Variants in ZNF831 observed in about 807,000 individuals in gnomAD.
ZNF831 encodes chromosome 20 open reading frame 174.
In ZNF831, 59 loss-of-function variants were observed where a neutral mutation model predicts 95.8. The observed-to-expected ratio is 0.62, with a 90% CI of 0.50 to 0.77. The LOEUF is 0.77. Among genes scored for constraint, ZNF831 ranks in the 30% least tolerant of loss-of-function variants. The pLI is 0.00. For missense variants in ZNF831, 2,205 were observed against 2,164.0 expected (o/e 1.02, Z -0.38); for synonymous variants, 961 against 925.5 (o/e 1.04, Z -0.70).
chr20:59,234,887 C>A (rs1986915414), intron 4 of ZNF831, among the ~76,000 whole-genome samples: 1 of 152,168 alleles, frequency 6.6e-6, no homozygotes, highest in Non-Finnish European at 1.5e-5. Context: ...ATTCGTATGG[C>A]ACATTTTTTA....
chr20:59,159,257 G>C (rs931643941), upstream of ZNF831, among the ~76,000 whole-genome samples: 15 of 152,080 alleles, frequency 9.9e-5, no homozygotes, highest in South Asian at 4.2e-4. Context: ...GCTGAGATAA[G>C]GACTAGCAAC....
intron 1 of ZNF831, among the ~76,000 whole-genome samples, chr20:59,134,429 A>C (rs982990430): frequency 2.6e-5 from 4 of 152,230 alleles, no homozygotes; most frequent in Non-Finnish European, 4.4e-5. Context: ...AATGAGGAAC[A>C]AGGAGACTGA....
chr20:59,233,956 C>T (rs550320214), intron 4 of ZNF831, among the ~76,000 whole-genome samples: 1 of 152,214 alleles, frequency 6.6e-6, no homozygotes, highest in Admixed American at 6.5e-5. Flanking sequence ...GAGAAAACAA[C>T]CCCGATGGGC....
At chr20:59,211,741 G>A (rs1985344962) in intron 4 of ZNF831, among the ~76,000 whole-genome samples, 1 of 152,010 alleles carries the variant, frequency 6.6e-6, no homozygotes, top group African/African-American at 2.4e-5. Context: ...GTCCTGGATG[G>A]AGAGATCAGA....
chr20:59,164,853 T>TC (rs1981128272), intron 1 of ZNF831, among the ~76,000 whole-genome samples: 1 of 152,188 alleles, frequency 6.6e-6, no homozygotes. Flanking sequence ...GTTTCTCCTT[T>TC]CCCGTAGCAA....
At chr20:59,153,986 G>T (rs1980392608) in intron 2 of ZNF831, among the ~76,000 whole-genome samples, 1 of 152,184 alleles carries the variant, frequency 6.6e-6, no homozygotes, top group Admixed American at 6.5e-5. Flanking sequence ...CCCTAGAGGT[G>T]GTGGAGACTC....
intron 4 of ZNF831, among the ~76,000 whole-genome samples, chr20:59,210,894 G>A (rs192014214): frequency 0.029 from 2,339 of 80,506 alleles, 511 homozygotes; most frequent in African/African-American, 0.091. Flanking sequence ...TTAGCCGGGC[G>A]CGGTGGCGGG....
At chr20:59,219,139 T>C (rs1022926367) in intron 4 of ZNF831, among the ~76,000 whole-genome samples, 1 of 152,210 alleles carries the variant, frequency 6.6e-6, no homozygotes, top group African/African-American at 2.4e-5. Context: ...ACCATCTTAC[T>C]CATGGCTTAA....
chr20:59,225,134 A>T lies in ZNF831; in HGVS notation c.4027+18078A>T, dbSNP rs142565775. Among the ~76,000 whole-genome samples, 141 of 151,888 alleles carry T rather than the reference A, an allele frequency of 9.3e-4. 1 individual carries two copies. The highest frequency in any genetic ancestry group is 2.8e-3 in the African/African-American group (117 of 41,468). On this transcript the variant is annotated intron_variant, in intron 4 of 5. Coordinates refer to ENST00000371030, the MANE Select transcript of ZNF831 (RefSeq NM_178457.3). The stretch of plus-strand genomic sequence containing the variant: ...TCCATTATAGGTTCAATGCATGTAT[A>T]TTTTTTTTAACTTAAGAAATGGGGA...
At chr20:59,149,271 T>C (rs999158721) in intron 2 of ZNF831, among the ~76,000 whole-genome samples, 16 of 152,184 alleles carry the variant, frequency 1.1e-4, no homozygotes, top group Admixed American at 1.0e-3. Flanking sequence ...GGAGGTCTGA[T>C]AAGCCAGACG....
chr20:59,248,626 A>T (rs1234816924), intron 4 of ZNF831, among the ~76,000 whole-genome samples: 1 of 152,132 alleles, frequency 6.6e-6, no homozygotes, highest in African/African-American at 2.4e-5. Flanking sequence ...TTTTCTCTAC[A>T]CTAATTGGTT....
chr20:59,134,323 T>C (rs1297450251), intron 1 of ZNF831, among the ~76,000 whole-genome samples: 4 of 152,204 alleles, frequency 2.6e-5, no homozygotes, highest in Admixed American at 2.6e-4. Flanking sequence ...GTCTCTTGTC[T>C]GTATTTCCTT....
At position 59,255,899 on chromosome 20, in the gene ZNF831, A is replaced by T. The variant is rs1041434568; in HGVS notation, c.*1156A>T. On this transcript the variant is annotated 3_prime_UTR_variant, in exon 6 of 6. Transcript: ENST00000371030. ...CCGGTGCGCCCCTGTGCAGAAGAAA[A>T]CAGATCTACGTCAGCCAGCCCGGGG... The T allele has an allele frequency of 6.6e-6, 1 of 152,222 alleles. No homozygotes were observed. The highest frequency in any genetic ancestry group is 2.4e-5 in the African/African-American group (1 of 41,464). The allele number at this position is 152,222 out of a possible 1,614,324, so 9.4% of individuals were successfully genotyped here. A position where few individuals can be genotyped will look rare whatever the true frequency, so the allele number is the denominator to read the frequency against.
intron 5 of ZNF831, 25 bp from the exon 6 acceptor site, chr20:59,253,873 T>TTTTTC: frequency 1.3e-6 from 1 of 760,148 alleles, no homozygotes; most frequent in Middle Eastern, 5.1e-4. Flanking sequence ...CCCCCACTTT[T>TTTTTC]TTTTTCCTTT....
At chr20:59,125,214 G>T (rs886399290) in intron 1 of ZNF831, among the ~76,000 whole-genome samples, 1 of 152,224 alleles carries the variant, frequency 6.6e-6, no homozygotes, top group African/African-American at 2.4e-5. Context: ...TAGAAAGGAC[G>T]TGGGTCACTG....
Position 59,255,650 on chromosome 20 carries a change from T to G in ZNF831, c.*907T>G, listed in dbSNP as rs1490144002. The G allele has an allele frequency of 6.6e-6, 1 of 152,236 alleles. No homozygotes were observed. Among genetic ancestry groups the G allele is most frequent in the Non-Finnish European group, 1.5e-5 (1 of 68,042 alleles). The allele number at this position is 152,236 out of a possible 1,614,324, so 9.4% of individuals were successfully genotyped here. The stretch of plus-strand genomic sequence containing the variant: ...AGCAATTTCAATTAGAGGGTTACAT[T>G]TTAGTAATCTGTACAGCTTCAACTG... On this transcript the variant is annotated 3_prime_UTR_variant, in exon 6 of 6. Transcript: ENST00000371030.
chr20:59,213,648 C>A (rs908119897), intron 4 of ZNF831, among the ~76,000 whole-genome samples: 7 of 152,120 alleles, frequency 4.6e-5, no homozygotes, highest in African/African-American at 1.7e-4. Context: ...CAAAGACCAG[C>A]CCCCAAATCT....
chr20:59,235,863 C>T (rs918423391), intron 4 of ZNF831, among the ~76,000 whole-genome samples: 1 of 152,188 alleles, frequency 6.6e-6, no homozygotes, highest in East Asian at 1.9e-4. Flanking sequence ...GATTCTCTCC[C>T]AGTGAGCAAA....
At chr20:59,204,990 A>G (rs1157273183) in intron 3 of ZNF831, among the ~76,000 whole-genome samples, 1 of 152,182 alleles carries the variant, frequency 6.6e-6, no homozygotes, top group Non-Finnish European at 1.5e-5. Context: ...GAAGGCAAAA[A>G]GTTTGAAATT....
Sources: gnomAD v4.1 joint callset for allele counts (sites outside exome capture counted in the v4.1 genomes callset) on GRCh38, gnomAD v4.1.1 for gene constraint, MANE v1.5 for transcripts, NCBI Gene and HGNC (gene_info 2026-07-23, HGNC 2026-07-21) for gene names.